The following IQSEC1 variants were observed in gnomAD, a reference collection of about 807,000 sequenced individuals.
The protein encoded by IQSEC1 is IQ motif and SEC7 domain-containing protein 1.
A neutral mutation model predicts 91.0 loss-of-function variants in IQSEC1; 31 were observed. The ratio of observed to expected loss-of-function variants is 0.34; its 90% confidence interval spans 0.26 to 0.46. IQSEC1 has a LOEUF of 0.46. Among genes scored for constraint, IQSEC1 ranks in the 20% least tolerant of loss-of-function variants. The pLI is 1.00. For missense variants in IQSEC1, 1,388 were observed against 1,575.6 expected, an observed-to-expected ratio of 0.88 and a Z score of 2.02; for synonymous variants, 699 against 662.6, an observed-to-expected ratio of 1.05 and a Z score of -0.84.
At chr3:13,026,422 C>T (rs73147237) in intron 1 of IQSEC1, among the ~76,000 whole-genome samples, 32 of 152,318 alleles carry the variant, frequency 2.1e-4, no homozygotes, top group East Asian at 3.9e-4. Flanking sequence ...CAAACTCAGA[C>T]GACACCTCCT....
At position 13,146,077 on chromosome 3, in the gene IQSEC1, T is replaced by G. The variant is rs1388394348; in HGVS notation, c.302+18027A>C. Among the ~76,000 whole-genome samples, 5 of 152,002 alleles carry G rather than the reference T, an allele frequency of 3.3e-5. No homozygotes were observed. The East Asian group carries it at 9.6e-4, about 29-fold the overall frequency. On this transcript the variant is annotated intron_variant, in intron 2 of 15. Transcript: ENST00000648114. Reference sequence around the variant, plus strand: ...ATCATCGCTCACTGCAGCCTTGAACTCCTGGGCTCAAGTGATCCTCTTGCC... The same window carrying G: ...ATCATCGCTCACTGCAGCCTTGAACGCCTGGGCTCAAGTGATCCTCTTGCC...
At chr3:13,137,022 T>C (rs1706722872) in intron 2 of IQSEC1, among the ~76,000 whole-genome samples, 1 of 152,082 alleles carries the variant, frequency 6.6e-6, no homozygotes, top group African/African-American at 2.4e-5. Context: ...CTGTGGTCCC[T>C]GTATTCGGGA....
intron 1 of IQSEC1, among the ~76,000 whole-genome samples, chr3:13,019,075 C>A (rs534798347): frequency 1.3e-5 from 2 of 152,368 alleles, no homozygotes; most frequent in Non-Finnish European, 2.9e-5. Context: ...TGGCTCCCCC[C>A]CAACTCTACA....
chr3:12,954,919 C>A (rs1699804628), intron 1 of IQSEC1, among the ~76,000 whole-genome samples: 1 of 152,246 alleles, frequency 6.6e-6, no homozygotes, highest in Non-Finnish European at 1.5e-5. Context: ...TGCCAAGGCA[C>A]AGCTGGCTGG....
Position 12,935,689 on chromosome 3 carries a change from G to A in IQSEC1, c.1327C>T (p.Arg443Trp), listed in dbSNP as rs1359077143. The change falls in exon 3 of 14, where the codon CGG becomes TGG. Residue 443 changes from arginine to tryptophan, a missense_variant. Physicochemically the swap from Arg to Trp is moderately radical, Grantham distance 101. Around this residue, in one of 2 missense-constraint regions of IQSEC1, gnomAD observed 1,059 missense variants for 1,317.8 expected, o/e 0.80. Coordinates refer to ENST00000613206, the MANE Select transcript of IQSEC1 (RefSeq NM_001134382.3). This position sits in a 1 kb window ranked among gnomAD's most constrained non-coding sequence, Gnocchi z 8.0. ...SHLAINGSAN[R>W]QSKSESDYSD... ...TAGTCCGACTCAGACTTGCTCTGCC[G>A]GTTGGCTGAGCCATTGATGGCCAAG... 13 of 1,613,548 alleles carry A rather than the reference G, an allele frequency of 8.1e-6. No homozygotes were observed. The highest frequency in any genetic ancestry group is 2.2e-5 in the East Asian group (1 of 44,886).
At chr3:12,963,996 C>G (rs149010703) in intron 1 of IQSEC1, among the ~76,000 whole-genome samples, 195 of 152,338 alleles carry the variant, frequency 1.3e-3, no homozygotes, top group Admixed American at 2.9e-3. Flanking sequence ...TGAGGCCAGG[C>G]GCTATGCTAG....
chr3:13,203,782 T>C (rs1186224651), intron 1 of IQSEC1, among the ~76,000 whole-genome samples: 1 of 152,214 alleles, frequency 6.6e-6, no homozygotes, highest in African/African-American at 2.4e-5. Flanking sequence ...CTGAGTCACA[T>C]GGCCCCATGT....
chr3:12,909,165 G>A lies in IQSEC1; in HGVS notation c.2578+108C>T, dbSNP rs570914985. 84 of 1,186,722 alleles carry A rather than the reference G, an allele frequency of 7.1e-5. No homozygotes were observed. The East Asian group carries it at 1.7e-3, about 24-fold the overall frequency. 73.5% of individuals were successfully genotyped at this position (1,186,722 alleles called of 1,614,324 possible). ...GCCATAGGGAAGGCCAGAAAAGACT[G>A]GGGGACATCTTGTCTCTGTGAGCTC... On this transcript the variant is annotated intron_variant, in intron 11 of 13. Coordinates refer to ENST00000613206, the MANE Select transcript of IQSEC1 (RefSeq NM_001134382.3). The surrounding 1 kb of genome is among the most constrained non-coding windows in gnomAD (Gnocchi z 4.9).
At chr3:13,154,918 C>T (rs192350314) in intron 2 of IQSEC1, among the ~76,000 whole-genome samples, 5 of 151,582 alleles carry the variant, frequency 3.3e-5, no homozygotes, top group South Asian at 2.1e-4. Flanking sequence ...ATCACAAGGA[C>T]AATTAGAAAG....
At chr3:13,161,618 T>G (rs1707178095) in intron 2 of IQSEC1, among the ~76,000 whole-genome samples, 1 of 152,178 alleles carries the variant, frequency 6.6e-6, no homozygotes, top group South Asian at 2.1e-4. Flanking sequence ...TGCCTGTGCA[T>G]GATGGGGACA....
rs1271566481 is a variant in IQSEC1 at position 13,073,262 on chromosome 3, C to G, written c.-248G>C. On this transcript the variant is annotated 5_prime_UTR_variant, in exon 1 of 14. Transcript: ENST00000613206. ...CGCTCACACCGTGCCCAGGAGCGAGCGAGGACGTCGAGTAACCGTGGTCGC... is the reference window on the plus strand; with the variant it reads ...CGCTCACACCGTGCCCAGGAGCGAGGGAGGACGTCGAGTAACCGTGGTCGC... 9.0e-6 allele frequency: 5 copies of G among 554,496 alleles called. No homozygotes were observed. In the East Asian group the frequency reaches 1.6e-4, roughly 18 times the overall value. The allele number at this position is 554,496 out of a possible 1,614,324, so 34.3% of individuals were successfully genotyped here.
intron 1 of IQSEC1, among the ~76,000 whole-genome samples, chr3:13,032,726 G>C (rs944840404): frequency 6.6e-6 from 1 of 152,216 alleles, no homozygotes; most frequent in African/African-American, 2.4e-5. Flanking sequence ...TGGGACTACA[G>C]GCGCCCGCCA....
intron 1 of IQSEC1, among the ~76,000 whole-genome samples, chr3:13,233,897 A>C (rs959836435): frequency 2.0e-5 from 3 of 152,184 alleles, no homozygotes; most frequent in African/African-American, 2.4e-5. Context: ...TCTAGTACCC[A>C]GAACCCCCAA....
intron 1 of IQSEC1, among the ~76,000 whole-genome samples, chr3:13,049,682 C>T (rs1395086734): frequency 6.6e-6 from 1 of 152,234 alleles, no homozygotes; most frequent in African/African-American, 2.4e-5. Context: ...TTTCTTCCTT[C>T]TTCCTTTCCT....
At chr3:13,183,571 A>G (rs1223116583) in intron 1 of IQSEC1, among the ~76,000 whole-genome samples, 1 of 152,048 alleles carries the variant, frequency 6.6e-6, no homozygotes, top group East Asian at 1.9e-4. Flanking sequence ...ATCTCAAACA[A>G]AAAAAAAGAA....
chr3:12,983,583 G>T lies in IQSEC1; in HGVS notation c.24-41718C>A, dbSNP rs193256130. Among the ~76,000 whole-genome samples the T allele has an allele frequency of 9.4e-3, 1,438 of 152,200 alleles. 25 individuals are homozygous for T. Among genetic ancestry groups the T allele is most frequent in the African/African-American group, 0.033 (1,384 of 41,522 alleles). ...CCAGCCTTGAGCAGGGTGCCCAGAG[G>T]GGGTGCTGAGCCAGCCCCTGGAGCC... On this transcript the variant is annotated intron_variant, in intron 1 of 13. Coordinates refer to ENST00000613206, the MANE Select transcript of IQSEC1 (RefSeq NM_001134382.3). This position sits in a 1 kb window ranked among gnomAD's most constrained non-coding sequence, Gnocchi z 4.3.
intron 1 of IQSEC1, among the ~76,000 whole-genome samples, chr3:13,239,417 G>C (rs969114853): frequency 1.3e-5 from 2 of 152,206 alleles, no homozygotes; most frequent in Non-Finnish European, 1.5e-5. Flanking sequence ...TCACCATCTC[G>C]GGCCTGCTTC....
chr3:13,055,854 G>C (rs1333367476), intron 1 of IQSEC1, among the ~76,000 whole-genome samples: 1 of 152,078 alleles, frequency 6.6e-6, no homozygotes, highest in Admixed American at 6.5e-5. Flanking sequence ...TGGGGTGCAG[G>C]GTCCAGGCCC....
At chr3:13,250,370 C>T (rs1695172868) in intron 1 of IQSEC1, among the ~76,000 whole-genome samples, 1 of 151,468 alleles carries the variant, frequency 6.6e-6, no homozygotes, top group South Asian at 2.1e-4. Flanking sequence ...AGCAGTGCCA[C>T]GGTGATGTCT....
Sources: allele counts gnomAD v4.1 joint callset (sites outside exome capture counted in the v4.1 genomes callset), GRCh38; gene constraint gnomAD v4.1.1; regional missense constraint gnomAD v4.1.1; non-coding constraint Gnocchi (gnomAD v3.1); transcripts MANE v1.5; gene names NCBI Gene and HGNC (gene_info 2026-07-23, HGNC 2026-07-21).